The following GPC5 variants were observed in gnomAD, a reference collection of about 807,000 sequenced individuals.
GPC5 encodes the protein glypican-5.
Under a neutral mutation model 53.9 loss-of-function variants are expected in GPC5, and 47 were observed. That is an observed-to-expected ratio of 0.87 (90% CI 0.69 to 1.11). The LOEUF is 1.11. GPC5 is among the 50% of genes most tolerant of loss of function. GPC5 has a pLI of 0.00. For missense variants in GPC5, 748 were observed against 713.1 expected, an observed-to-expected ratio of 1.05 and a Z score of -0.56; for synonymous variants, 286 against 263.3, an observed-to-expected ratio of 1.09 and a Z score of -0.84.
intron 2 of GPC5, among the ~76,000 whole-genome samples, chr13:91,492,742 A>G (rs1884009374): frequency 1.3e-5 from 2 of 152,210 alleles, no homozygotes; most frequent in Admixed American, 1.3e-4. Flanking sequence ...GTTGCCACAT[A>G]AAATTAACCA....
intron 7 of GPC5, among the ~76,000 whole-genome samples, chr13:92,363,171 G>C (rs545285356): frequency 6.6e-6 from 1 of 151,628 alleles, no homozygotes; most frequent in Non-Finnish European, 1.5e-5. Context: ...CTGGGTGTTG[G>C]GGGGACACTT....
intron 6 of GPC5, among the ~76,000 whole-genome samples, chr13:91,947,007 G>C (rs2039980603): frequency 6.6e-6 from 1 of 152,042 alleles, no homozygotes; most frequent in Non-Finnish European, 1.5e-5. Context: ...CACATACCTG[G>C]AGGTTTAACT....
chr13:92,062,825 G>A (rs1231211369), intron 6 of GPC5, among the ~76,000 whole-genome samples: 1 of 151,908 alleles, frequency 6.6e-6, no homozygotes, highest in Non-Finnish European at 1.5e-5. Flanking sequence ...TATTGTTTAA[G>A]AACAATTTAT....
At chr13:92,734,878 A>G (rs940621487) in intron 7 of GPC5, among the ~76,000 whole-genome samples, 1 of 151,850 alleles carries the variant, frequency 6.6e-6, no homozygotes, top group Non-Finnish European at 1.5e-5. Flanking sequence ...ATTCTTCTCT[A>G]TTTTTCATAA....
intron 5 of GPC5, among the ~76,000 whole-genome samples, chr13:91,840,744 TTA>T (rs1196795784): frequency 1.3e-5 from 2 of 150,252 alleles, no homozygotes; most frequent in African/African-American, 4.9e-5. Context: ...GTTCCTATTT[TTA>T]TTTTTTTTTT....
At chr13:91,768,003 C>T (rs977042664) in intron 5 of GPC5, among the ~76,000 whole-genome samples, 2 of 152,128 alleles carry the variant, frequency 1.3e-5, no homozygotes, top group African/African-American at 4.8e-5. Flanking sequence ...GAGGTTACAC[C>T]TGAAAAGCTA....
intron 7 of GPC5, among the ~76,000 whole-genome samples, chr13:92,402,547 T>C (rs1169318098): frequency 6.6e-6 from 1 of 152,188 alleles, no homozygotes; most frequent in Non-Finnish European, 1.5e-5. Context: ...TCCAAGAATA[T>C]CGAAGCTGTG....
At chr13:91,556,489 A>G (rs1048522064) in intron 2 of GPC5, among the ~76,000 whole-genome samples, 8 of 151,708 alleles carry the variant, frequency 5.3e-5, no homozygotes, top group African/African-American at 1.9e-4. Flanking sequence ...AATGCCCATC[A>G]ATCAATGAGT....
At chr13:91,634,878 C>T (rs1464045610) in intron 2 of GPC5, among the ~76,000 whole-genome samples, 1 of 152,034 alleles carries the variant, frequency 6.6e-6, no homozygotes, top group African/African-American at 2.4e-5. Context: ...ACATTCTTGC[C>T]ACTGTTCCAT....
At chr13:92,406,148 C>T (rs144543976) in intron 7 of GPC5, among the ~76,000 whole-genome samples, 27 of 152,266 alleles carry the variant, frequency 1.8e-4, no homozygotes, top group African/African-American at 3.6e-4. Context: ...TGGGAACTAA[C>T]GACTGTGAAT....
intron 7 of GPC5, among the ~76,000 whole-genome samples, chr13:92,836,069 ATT>A (rs1878207978): frequency 6.6e-6 from 1 of 151,878 alleles, no homozygotes; most frequent in Non-Finnish European, 1.5e-5. Flanking sequence ...GATGATTTTT[ATT>A]TTGACATCTT....
chr13:91,500,039 G>A (rs1250600554), intron 2 of GPC5, among the ~76,000 whole-genome samples: 1 of 152,084 alleles, frequency 6.6e-6, no homozygotes. Flanking sequence ...TATCCCCTTG[G>A]ACCATGCCCT....
At chr13:92,848,846 C>T (rs1878696905) in intron 7 of GPC5, among the ~76,000 whole-genome samples, 1 of 152,162 alleles carries the variant, frequency 6.6e-6, no homozygotes, top group Admixed American at 6.5e-5. Flanking sequence ...TCATATGTCA[C>T]ATGGGATTAG....
chr13:92,635,437 G>A (rs1885379714), intron 7 of GPC5, among the ~76,000 whole-genome samples: 1 of 152,152 alleles, frequency 6.6e-6, no homozygotes, highest in Admixed American at 6.5e-5. Flanking sequence ...TCTTATGGCA[G>A]GAAGTGGAAG....
intron 7 of GPC5, among the ~76,000 whole-genome samples, chr13:92,800,981 G>A (rs1230686984): frequency 3.3e-5 from 5 of 150,452 alleles, no homozygotes; most frequent in Non-Finnish European, 5.9e-5. Flanking sequence ...CAAAATTTAC[G>A]AAATTCTCCC....
At chr13:92,202,507 T>A (rs984323176) in intron 7 of GPC5, among the ~76,000 whole-genome samples, 6 of 152,140 alleles carry the variant, frequency 3.9e-5, no homozygotes, top group Non-Finnish European at 1.5e-5. Flanking sequence ...TGATGTAGTG[T>A]TTTTAGACCA....
chr13:92,472,643 A>G (rs1878956604), intron 7 of GPC5, among the ~76,000 whole-genome samples: 1 of 152,070 alleles, frequency 6.6e-6, no homozygotes, highest in African/African-American at 2.4e-5. Context: ...AGATGACTTT[A>G]TTTTGTTGCT....
chr13:92,315,303 G>A (rs548555636), intron 7 of GPC5, among the ~76,000 whole-genome samples: 1 of 152,232 alleles, frequency 6.6e-6, no homozygotes, highest in South Asian at 2.1e-4. Flanking sequence ...TGGGAGATTC[G>A]GGTAGGATAA....
intron 2 of GPC5, among the ~76,000 whole-genome samples, chr13:91,632,226 T>C (rs185789013): frequency 2.6e-4 from 39 of 152,266 alleles, no homozygotes; most frequent in Non-Finnish European, 4.4e-4. Context: ...AAAATGATCA[T>C]AGAATCGTTA....
Sources: allele counts gnomAD v4.1 joint callset (sites outside exome capture counted in the v4.1 genomes callset), GRCh38; gene constraint gnomAD v4.1.1; transcripts MANE v1.5; gene names NCBI Gene and HGNC (gene_info 2026-07-23, HGNC 2026-07-21).